Variants in ELOVL5 observed in about 807,000 individuals in gnomAD.
ELOVL5 encodes ELOVL fatty acid elongase 5, also known as very long chain fatty acid elongase 5.
Under a neutral mutation model 38.6 loss-of-function variants are expected in ELOVL5, and 8 were observed. The ratio of observed to expected loss-of-function variants is 0.21; its 90% CI spans 0.12 to 0.37. ELOVL5 has a LOEUF of 0.37. ELOVL5 is among the 10% of genes least tolerant of loss of function. ELOVL5 has a pLI of 1.00. For synonymous variants in ELOVL5, 127 were observed against 133.7 expected, an observed-to-expected ratio of 0.95 and a Z score of 0.34; for missense variants, 280 against 367.8, an observed-to-expected ratio of 0.76 and a Z score of 1.95.
At chr6:53,299,887 ACAAT>A (rs1042780164) in intron 1 of ELOVL5, among the ~76,000 whole-genome samples, 3 of 152,218 alleles carry the variant, frequency 2.0e-5, no homozygotes, top group Non-Finnish European at 4.4e-5. Context: ...AGAACTTTTC[ACAAT>A]CAAACTTAGG....
intron 2 of ELOVL5, among the ~76,000 whole-genome samples, chr6:53,293,769 C>T (rs936458621): frequency 6.6e-6 from 1 of 152,208 alleles, no homozygotes; most frequent in African/African-American, 2.4e-5. Context: ...ACTGTACACA[C>T]TAAACTTTCC....
intron 1 of ELOVL5, among the ~76,000 whole-genome samples, chr6:53,299,457 T>C (rs1767158786): frequency 6.6e-6 from 1 of 152,146 alleles, no homozygotes; most frequent in South Asian, 2.1e-4. Context: ...CGGAAAAATA[T>C]GAAGCCCAGT....
At position 53,333,989 on chromosome 6, in the gene ELOVL5, C is replaced by T. The variant is rs147932694; in HGVS notation, c.-9+14828G>A. ...CCCTGTCTATGGTATCCTACAATCT[C>T]TAATGTCAATATGGTCTATAGTGGC... On this transcript the variant is annotated intron_variant, in intron 1 of 7. Transcript: ENST00000304434. Among the ~76,000 whole-genome samples the T allele has an allele frequency of 2.8e-3, 422 of 152,194 alleles. 5 individuals are homozygous for T. The highest frequency in any genetic ancestry group is 9.6e-3 in the African/African-American group (400 of 41,496).
intron 1 of ELOVL5, among the ~76,000 whole-genome samples, chr6:53,301,244 G>A (rs1002416891): frequency 5.9e-5 from 9 of 152,136 alleles, no homozygotes; most frequent in African/African-American, 2.2e-4. Flanking sequence ...CTGAGCTACG[G>A]TGGGCCAATG....
intron 1 of ELOVL5, among the ~76,000 whole-genome samples, chr6:53,335,212 T>A (rs1281378649): frequency 6.6e-6 from 1 of 152,222 alleles, no homozygotes; most frequent in Non-Finnish European, 1.5e-5. Flanking sequence ...TCTAGTCTTG[T>A]GCTGCTCCTC....
chr6:53,277,929 A>G (rs1387074455), intron 3 of ELOVL5, among the ~76,000 whole-genome samples: 2 of 152,234 alleles, frequency 1.3e-5, no homozygotes, highest in Non-Finnish European at 1.5e-5. Flanking sequence ...AGGGTACAGA[A>G]AGGAAACTGG....
intron 1 of ELOVL5, among the ~76,000 whole-genome samples, chr6:53,331,767 C>T (rs1288268532): frequency 6.6e-6 from 1 of 152,172 alleles, no homozygotes; most frequent in Non-Finnish European, 1.5e-5. Context: ...ATGAATAAAT[C>T]TTACACTAAA....
intron 1 of ELOVL5, among the ~76,000 whole-genome samples, chr6:53,302,885 T>A (rs144043724): frequency 6.6e-6 from 1 of 152,168 alleles, no homozygotes; most frequent in African/African-American, 2.4e-5. Flanking sequence ...CTTCATCATA[T>A]CCTGCTTTAC....
intron 1 of ELOVL5, among the ~76,000 whole-genome samples, chr6:53,329,650 C>A (rs1768701233): frequency 1.3e-5 from 2 of 151,990 alleles, no homozygotes; most frequent in African/African-American, 4.8e-5. Flanking sequence ...ACGGTGAAAC[C>A]CCGTCTCTAC....
At chr6:53,294,886 T>C (rs1169702716) in intron 2 of ELOVL5, among the ~76,000 whole-genome samples, 2 of 152,214 alleles carry the variant, frequency 1.3e-5, no homozygotes, top group Non-Finnish European at 2.9e-5. Flanking sequence ...AAAGGGCATG[T>C]GCATTTTAAT....
In ELOVL5 at chr6:53,268,027, C is replaced by T. The variant is rs1169362032; in HGVS notation, c.*1100G>A. On this transcript the variant is annotated 3_prime_UTR_variant, in exon 8 of 8. Transcript: ENST00000304434. ...AACAAGTTACCTCTATCAAATTTCTCGATTCTCTTATGCTGTAGCTATATT... is the reference window on the plus strand; with the variant it reads ...AACAAGTTACCTCTATCAAATTTCTTGATTCTCTTATGCTGTAGCTATATT... The T allele has an allele frequency of 2.6e-5, 4 of 152,182 alleles. No individual in the cohort carries two copies. The East Asian group carries it at 5.8e-4, about 22-fold the overall frequency. The allele number at this position is 152,182 out of a possible 1,614,324, so 9.4% of individuals were successfully genotyped here. A position where few individuals can be genotyped will look rare whatever the true frequency, so the allele number is the denominator to read the frequency against.
Position 53,273,360 on chromosome 6 carries a change from G to C in ELOVL5, c.497-16C>G, listed in dbSNP as rs888660937. ...CCAAAATAAGCTGCAGGAACAGAGGGATTTGGGAAGGAGAATGTATTAGTG... is the reference window on the plus strand; with the variant it reads ...CCAAAATAAGCTGCAGGAACAGAGGCATTTGGGAAGGAGAATGTATTAGTG... On this transcript the variant is annotated splice_polypyrimidine_tract_variant and intron_variant, in intron 5 of 7. Coordinates refer to ENST00000304434, the MANE Select transcript of ELOVL5 (RefSeq NM_021814.5). The C allele has an allele frequency of 6.2e-7, 1 of 1,612,142 alleles. No individual in the cohort carries two copies. The highest frequency in any genetic ancestry group is 1.7e-5 in the Admixed American group (1 of 59,942).
chr6:53,301,818 GT>G (rs1231856868), intron 1 of ELOVL5, among the ~76,000 whole-genome samples: 2 of 152,268 alleles, frequency 1.3e-5, no homozygotes, highest in Non-Finnish European at 2.9e-5. Context: ...AGATTCTGGA[GT>G]GTTTTTGGTA....
intron 3 of ELOVL5, among the ~76,000 whole-genome samples, chr6:53,280,223 C>A (rs534391953): frequency 6.6e-6 from 1 of 152,162 alleles, no homozygotes; most frequent in Non-Finnish European, 1.5e-5. Flanking sequence ...AGAATCAGAT[C>A]GAAAGAGGAC....
chr6:53,288,113 C>T (rs1766641901), intron 3 of ELOVL5, among the ~76,000 whole-genome samples: 1 of 152,172 alleles, frequency 6.6e-6, no homozygotes, highest in Non-Finnish European at 1.5e-5. Context: ...TGATAGCTCA[C>T]TGGATGGGTC....
intron 1 of ELOVL5, among the ~76,000 whole-genome samples, chr6:53,342,320 A>AT (rs1220229883): frequency 1.8e-4 from 27 of 152,252 alleles, no homozygotes; most frequent in African/African-American, 6.5e-4. Flanking sequence ...ATTTGGTATC[A>AT]TGAGAACTAT....
chr6:53,312,434 C>T (rs2127583174), intron 1 of ELOVL5, among the ~76,000 whole-genome samples: 1 of 152,224 alleles, frequency 6.6e-6, no homozygotes, highest in East Asian at 1.9e-4. Context: ...GTGAAAAGGG[C>T]CATCCATTTA....
chr6:53,270,130 A>G (rs915222721), intron 7 of ELOVL5, among the ~76,000 whole-genome samples: 1 of 152,196 alleles, frequency 6.6e-6, no homozygotes, highest in Non-Finnish European at 1.5e-5. Flanking sequence ...TCACCACATC[A>G]TATGCTTAGG....
intron 1 of ELOVL5, among the ~76,000 whole-genome samples, chr6:53,317,168 A>C (rs911479773): frequency 6.6e-6 from 1 of 152,222 alleles, no homozygotes; most frequent in East Asian, 1.9e-4. Flanking sequence ...AGGAGGTTGA[A>C]TTATTTAGCA....
Sources: gnomAD v4.1 joint callset for allele counts (sites outside exome capture counted in the v4.1 genomes callset) on GRCh38, gnomAD v4.1.1 for gene constraint, MANE v1.5 for transcripts, NCBI Gene and HGNC (gene_info 2026-07-23, HGNC 2026-07-21) for gene names.